GABRR2: variants seen among roughly 807,000 people sequenced by gnomAD.
GABRR2 encodes gamma-aminobutyric acid receptor subunit rho-2.
Under a neutral mutation model 47.0 loss-of-function variants are expected in GABRR2, and 36 were observed. The ratio of observed to expected loss-of-function variants is 0.77; its 90% CI spans 0.59 to 1.01. The LOEUF (loss-of-function observed/expected upper bound fraction) is 1.01. GABRR2 is among the 50% of genes least tolerant of loss of function. GABRR2 has a pLI of 0.00. For missense variants in GABRR2, 587 were observed against 594.6 expected (o/e 0.99, Z 0.13); for synonymous variants, 204 against 227.5 (o/e 0.90, Z 0.93).
chr6:89,272,037 T>C (rs1774064321), intron 2 of GABRR2, among the ~76,000 whole-genome samples: 1 of 152,198 alleles, frequency 6.6e-6, no homozygotes, highest in East Asian at 1.9e-4. Flanking sequence ...GAGGTAATAA[T>C]GTGGCTGTAG....
In GABRR2 at chr6:89,315,062, G is replaced by C; in HGVS notation, c.104C>G (p.Pro35Arg). Residue 35 changes from proline (P) to arginine (R), a missense_variant, in exon 1 of 9, where the codon CCC becomes CGC. Pro to Arg is a moderately radical substitution (Grantham distance 103). Coordinates refer to ENST00000402938, the MANE Select transcript of GABRR2 (RefSeq NM_002043.5). ...RKRWTGQVEMPKPSHLYKKNL... is the reference protein window; with the variant it reads ...RKRWTGQVEMRKPSHLYKKNL... ...CCACCTATGACTTTACCTTGGCTTG[G>C]GCATTTCCACCTGCCCTGTCCATCG... is the stretch of plus-strand genomic sequence containing the variant. 2 of 1,613,072 alleles carry C rather than the reference G, an allele frequency of 1.2e-6. No homozygotes were observed. Among genetic ancestry groups the C allele is most frequent in the East Asian group, 4.5e-5 (2 of 44,858 alleles).
At chr6:89,267,647 A>G (rs1773930933) in intron 6 of GABRR2, 32 bp downstream of exon 6, 2 of 1,593,088 alleles carry the variant, frequency 1.3e-6, no homozygotes, top group Non-Finnish European at 1.7e-6. Context: ...TTTCTTGCAC[A>G]TTTGAATCAG....
intron 2 of GABRR2, among the ~76,000 whole-genome samples, chr6:89,290,851 C>G (rs1368754090): frequency 6.6e-6 from 1 of 152,174 alleles, no homozygotes; most frequent in Non-Finnish European, 1.5e-5. Flanking sequence ...TTTCCAAGAG[C>G]TACAGCTCTT....
intron 8 of GABRR2, among the ~76,000 whole-genome samples, chr6:89,262,051 C>T (rs1773758851): frequency 6.6e-6 from 1 of 150,476 alleles, no homozygotes; most frequent in South Asian, 2.1e-4. Flanking sequence ...AAAAAATTTG[C>T]AGCTCACCAA....
At chr6:89,305,763 CAA>C (rs1410254528) in intron 1 of GABRR2, among the ~76,000 whole-genome samples, 6 of 151,952 alleles carry the variant, frequency 3.9e-5, no homozygotes, top group African/African-American at 1.5e-4. Context: ...CACATGGACA[CAA>C]AGAGGGGAAC....
At chr6:89,262,232 C>G (rs1262775758) in intron 8 of GABRR2, among the ~76,000 whole-genome samples, 2 of 152,142 alleles carry the variant, frequency 1.3e-5, no homozygotes, top group Non-Finnish European at 2.9e-5. Flanking sequence ...CTTTGTGTCC[C>G]TTTTGCATAT....
intron 1 of GABRR2, among the ~76,000 whole-genome samples, chr6:89,304,458 G>A (rs558214464): frequency 6.6e-5 from 10 of 152,018 alleles, no homozygotes; most frequent in East Asian, 5.8e-4. Flanking sequence ...GTGTGGTGGC[G>A]TGCACCTGTA....
intron 2 of GABRR2, among the ~76,000 whole-genome samples, chr6:89,292,688 GATATATATC>G (rs1774471480): frequency 6.9e-6 from 1 of 145,308 alleles, no homozygotes; most frequent in African/African-American, 2.5e-5. Flanking sequence ...ATATATATCA[GATATATATC>G]GTATCTCTGA....
chr6:89,310,185 T>G (rs1368050543), intron 1 of GABRR2, among the ~76,000 whole-genome samples: 1 of 152,128 alleles, frequency 6.6e-6, no homozygotes, highest in Non-Finnish European at 1.5e-5. Flanking sequence ...AAAAAAAAAT[T>G]TATTTCCCCC....
intron 2 of GABRR2, among the ~76,000 whole-genome samples, chr6:89,288,005 CT>C (rs749242069): frequency 2.0e-5 from 3 of 152,210 alleles, no homozygotes; most frequent in Non-Finnish European, 4.4e-5. Context: ...GAGGTTTGGA[CT>C]TCCCAAGGTA....
In GABRR2 at chr6:89,267,810, G is replaced by T; in HGVS notation, c.605C>A (p.Thr202Lys). 6.2e-7 allele frequency: 1 copy of T among 1,610,714 alleles called. No individual in the cohort carries two copies. Among genetic ancestry groups the T allele is most frequent in the Non-Finnish European group, 8.5e-7 (1 of 1,178,334 alleles). ...CCAGTACAGCATTAGATCTTCATCT[G>T]TATAGGCATCTTTGGGAAGAGGAAA... ...CSLELESYAY[T>K]DEDLMLYWKN... Residue 202 changes from threonine to lysine, a missense_variant, in exon 6 of 9, where the codon ACA becomes AAA. Coordinates refer to ENST00000402938, the MANE Select transcript of GABRR2 (RefSeq NM_002043.5).
At chr6:89,277,222 C>T (rs1433195114) in intron 2 of GABRR2, among the ~76,000 whole-genome samples, 2 of 152,164 alleles carry the variant, frequency 1.3e-5, no homozygotes, top group Non-Finnish European at 2.9e-5. Context: ...GGCTCTTCCC[C>T]ACTTTGCTCA....
At chr6:89,312,369 C>T (rs1174083672) in intron 1 of GABRR2, among the ~76,000 whole-genome samples, 2 of 152,172 alleles carry the variant, frequency 1.3e-5, no homozygotes, top group Non-Finnish European at 2.9e-5. Context: ...AAAGCAGCTG[C>T]TGGGCGGAAT....
At chr6:89,298,119 T>C (rs890530839) in intron 2 of GABRR2, among the ~76,000 whole-genome samples, 4 of 152,204 alleles carry the variant, frequency 2.6e-5, no homozygotes, top group African/African-American at 9.7e-5. Context: ...TGGTGGCCTC[T>C]TCTTGACCTT....
intron 2 of GABRR2, among the ~76,000 whole-genome samples, chr6:89,277,868 T>TTGG (rs1774191668): frequency 1.2e-5 from 1 of 84,402 alleles, no homozygotes; most frequent in Non-Finnish European, 2.4e-5. Flanking sequence ...TGGGCGGGGG[T>TTGG]GGGGGGGGGT....
intron 2 of GABRR2, among the ~76,000 whole-genome samples, chr6:89,277,698 TA>T (rs1419611493): frequency 6.6e-6 from 1 of 151,494 alleles, no homozygotes; most frequent in Non-Finnish European, 1.5e-5. Flanking sequence ...ACAAAAATGA[TA>T]AACATCTGGA....
chr6:89,315,161 G>A lies in GABRR2; in HGVS notation c.5C>T (p.Pro2Leu), dbSNP rs1195991709. The change falls in exon 1 of 9, where the codon CCT becomes CTT. Residue 2 changes from proline to leucine, a missense_variant. Physicochemically the swap from Pro to Leu is moderately conservative, Grantham distance 98. Coordinates refer to ENST00000402938, the MANE Select transcript of GABRR2 (RefSeq NM_002043.5). M[P>L]YFTRLILFLF... ...GAACAAAATGAGTCTTGTAAAATAA[G>A]GCATTTTGTGGACATCTGTGAGGCA... 1 of 1,613,860 alleles carries A rather than the reference G, an allele frequency of 6.2e-7. No individual in the cohort carries two copies.
At chr6:89,280,597 G>A (rs991046168) in intron 2 of GABRR2, among the ~76,000 whole-genome samples, 2 of 152,160 alleles carry the variant, frequency 1.3e-5, no homozygotes, top group Non-Finnish European at 2.9e-5. Flanking sequence ...GTCCTGAACT[G>A]TCTCCTGGCC....
chr6:89,268,355 G>A (rs1773958177), intron 4 of GABRR2, among the ~76,000 whole-genome samples: 1 of 152,214 alleles, frequency 6.6e-6, no homozygotes, highest in African/African-American at 2.4e-5. Context: ...GGCTGCTAAT[G>A]GCTCTCTCCT....
Sources: allele counts gnomAD v4.1 joint callset (sites outside exome capture counted in the v4.1 genomes callset), GRCh38; gene constraint gnomAD v4.1.1; transcripts MANE v1.5; gene names NCBI Gene and HGNC (gene_info 2026-07-23, HGNC 2026-07-21).